The following SLC9A9 variants were observed in gnomAD, a reference collection of about 807,000 sequenced individuals.
SLC9A9 encodes the protein solute carrier family 9 member A9.
A neutral mutation model predicts 77.8 loss-of-function variants in SLC9A9; 62 were observed. That is an observed-to-expected ratio of 0.80 (90% CI 0.65 to 0.98). The LOEUF (loss-of-function observed/expected upper bound fraction) is 0.98. SLC9A9 is among the 50% of genes least tolerant of loss of function. The pLI, the probability that SLC9A9 is intolerant of heterozygous loss-of-function variation, is 0.00. For missense variants in SLC9A9, 775 were observed against 774.9 expected, an observed-to-expected ratio of 1.00 and a Z score of 0.00; for synonymous variants, 320 against 283.5, an observed-to-expected ratio of 1.13 and a Z score of -1.29.
At chr3:143,591,152 A>G (rs2037638373) in intron 6 of SLC9A9, among the ~76,000 whole-genome samples, 1 of 152,180 alleles carries the variant, frequency 6.6e-6, no homozygotes, top group South Asian at 2.1e-4. Flanking sequence ...TGATAGACTC[A>G]TTCCCCCAGA....
At chr3:143,266,996 T>TTTG (rs1937744989) in intron 15 of SLC9A9, 67 bp from the exon 16 acceptor site, 1 of 640,420 alleles carries the variant, frequency 1.6e-6, no homozygotes, top group African/African-American at 3.0e-5. Flanking sequence ...AGTCCTACAA[T>TTTG]TTTTTTTTTT....
At chr3:143,702,330 G>A (rs1354698636) in intron 4 of SLC9A9, among the ~76,000 whole-genome samples, 1 of 152,070 alleles carries the variant, frequency 6.6e-6, no homozygotes, top group Non-Finnish European at 1.5e-5. Context: ...GCTAAATGAT[G>A]AACCAATCAA....
At chr3:143,495,477 T>C (rs1213189541) in intron 9 of SLC9A9, 29 bp from the exon 10 acceptor site, 1 of 1,540,836 alleles carries the variant, frequency 6.5e-7, no homozygotes, top group Admixed American at 1.7e-5. Context: ...CAAAAAACCA[T>C]TAATTATAAC....
At chr3:143,401,953 G>A (rs2033870278) in intron 12 of SLC9A9, among the ~76,000 whole-genome samples, 1 of 152,168 alleles carries the variant, frequency 6.6e-6, no homozygotes, top group Admixed American at 6.5e-5. Context: ...CTACCCTAGT[G>A]AGGTACATCT....
intron 4 of SLC9A9, among the ~76,000 whole-genome samples, chr3:143,748,409 T>A (rs191719405): frequency 6.6e-6 from 1 of 152,292 alleles, no homozygotes; most frequent in Non-Finnish European, 1.5e-5. Flanking sequence ...AAGCCCAATG[T>A]CTGGACCTCA....
intron 13 of SLC9A9, among the ~76,000 whole-genome samples, chr3:143,368,736 G>A (rs1251579330): frequency 6.6e-6 from 1 of 152,098 alleles, no homozygotes; most frequent in Non-Finnish European, 1.5e-5. Context: ...CTTCCAAATT[G>A]GAGTATATTT....
chr3:143,609,090 G>A (rs184120767), intron 6 of SLC9A9, among the ~76,000 whole-genome samples: 1 of 152,282 alleles, frequency 6.6e-6, no homozygotes, highest in Non-Finnish European at 1.5e-5. Flanking sequence ...AGTGAAAGCA[G>A]GGTTGAAGAT....
Position 143,424,039 on chromosome 3 carries a change from A to G in SLC9A9, c.1470-41925T>C, listed in dbSNP as rs1022471214. On this transcript the variant is annotated intron_variant, in intron 12 of 15. Transcript: ENST00000316549. ...AAAGATTTAGGAACTGTTCCAGATT[A>G]AAGGGGACTAAAGGGACACCAGTAA... Among the ~76,000 whole-genome samples the G allele has an allele frequency of 2.6e-5, 4 of 152,304 alleles. No homozygotes were observed. In the East Asian group the frequency reaches 7.7e-4, roughly 29 times the overall value.
intron 12 of SLC9A9, among the ~76,000 whole-genome samples, chr3:143,441,870 C>T (rs1576499011): frequency 1.3e-5 from 2 of 151,956 alleles, no homozygotes; most frequent in East Asian, 3.9e-4. Flanking sequence ...ATCCATCCAT[C>T]CATCCATCCA....
intron 12 of SLC9A9, among the ~76,000 whole-genome samples, chr3:143,461,800 ATAACT>A (rs2035198449): frequency 2.0e-5 from 3 of 152,198 alleles, no homozygotes; most frequent in Admixed American, 1.3e-4. Context: ...CAATATTAAG[ATAACT>A]TAATTATATA....
At chr3:143,731,141 G>C (rs185672400) in intron 4 of SLC9A9, among the ~76,000 whole-genome samples, 1 of 152,322 alleles carries the variant, frequency 6.6e-6, no homozygotes, top group Admixed American at 6.5e-5. Context: ...CAGAACTGGA[G>C]TACATGCCTA....
At chr3:143,334,962 TG>T (rs2031879096) in intron 14 of SLC9A9, among the ~76,000 whole-genome samples, 2 of 99,678 alleles carry the variant, frequency 2.0e-5, no homozygotes, top group African/African-American at 1.0e-4. Context: ...ATAATAGGCA[TG>T]AAAAAAAAAA....
intron 4 of SLC9A9, among the ~76,000 whole-genome samples, chr3:143,778,791 A>G (rs1462571317): frequency 6.6e-6 from 1 of 152,332 alleles, no homozygotes; most frequent in Non-Finnish European, 1.5e-5. Context: ...CTGCACACCA[A>G]TAGAAGTAAT....
chr3:143,382,215 A>C lies in SLC9A9; in HGVS notation c.1470-101T>G, dbSNP rs1016125350. 3.2e-5 allele frequency: 41 copies of C among 1,278,702 alleles called. No homozygotes were observed. The Middle Eastern group carries it at 5.5e-4, about 17-fold the overall frequency. 79.2% of individuals were successfully genotyped at this position (1,278,702 alleles called of 1,614,324 possible). A position where few individuals can be genotyped will look rare whatever the true frequency, so the allele number is the denominator to read the frequency against. On this transcript the variant is annotated intron_variant, in intron 12 of 15. Coordinates refer to ENST00000316549, the MANE Select transcript of SLC9A9 (RefSeq NM_173653.4). ...AACCCAAACACAATGTGAATCTGAG[A>C]AAAGATTTGGCAGAAAACTATCCTA... is the stretch of plus-strand genomic sequence containing the variant.
chr3:143,620,988 G>T (rs374121148), intron 6 of SLC9A9, among the ~76,000 whole-genome samples: 3 of 152,292 alleles, frequency 2.0e-5, no homozygotes, highest in East Asian at 1.9e-4. Context: ...TGGCTCAGAG[G>T]GTCCTATGCC....
chr3:143,520,851 G>A (rs1038225416), intron 9 of SLC9A9, among the ~76,000 whole-genome samples: 1 of 152,148 alleles, frequency 6.6e-6, no homozygotes, highest in Non-Finnish European at 1.5e-5. Context: ...AACATTTTAT[G>A]ATATACTGAT....
At chr3:143,790,198 G>A (rs2008178278) in intron 4 of SLC9A9, among the ~76,000 whole-genome samples, 1 of 152,140 alleles carries the variant, frequency 6.6e-6, no homozygotes. Flanking sequence ...ATGATTGTAA[G>A]TTTCCTGAGG....
At chr3:143,810,331 T>C (rs2008830729) in intron 2 of SLC9A9, among the ~76,000 whole-genome samples, 1 of 152,246 alleles carries the variant, frequency 6.6e-6, no homozygotes, top group Non-Finnish European at 1.5e-5. Context: ...ATGACTTATC[T>C]GGGAAGAAAT....
chr3:143,510,240 G>A (rs2036093717), intron 9 of SLC9A9, among the ~76,000 whole-genome samples: 1 of 152,108 alleles, frequency 6.6e-6, no homozygotes, highest in Non-Finnish European at 1.5e-5. Context: ...ATTTGCCAAT[G>A]TCTTTAATCT....
Sources: gnomAD v4.1 joint callset for allele counts (sites outside exome capture counted in the v4.1 genomes callset) on GRCh38, gnomAD v4.1.1 for gene constraint, MANE v1.5 for transcripts, NCBI Gene and HGNC (gene_info 2026-07-23, HGNC 2026-07-21) for gene names.